The following RNF216 variants were observed in gnomAD, a reference collection of about 807,000 sequenced individuals.
RNF216 encodes ring finger protein 216, also known as E3 ubiquitin-protein ligase RNF216.
Under a neutral mutation model 110.8 loss-of-function variants are expected in RNF216, and 72 were observed. The observed-to-expected ratio is 0.65, with a 90% CI of 0.54 to 0.79. The LOEUF is 0.79. Ranked by LOEUF, RNF216 falls within the 30% of genes least tolerant of loss-of-function variation. The probability of loss-of-function intolerance (pLI) is 0.00; values close to 1 mark genes in which losing one functional copy is unlikely to be tolerated. For missense variants in RNF216, 1,342 were observed against 1,141.2 expected, an observed-to-expected ratio of 1.18 and a Z score of -2.54; for synonymous variants, 495 against 407.5, an observed-to-expected ratio of 1.21 and a Z score of -2.59.
intron 13 of RNF216, among the ~76,000 whole-genome samples, chr7:5,708,615 C>G (rs573771462): frequency 1.3e-5 from 2 of 152,304 alleles, no homozygotes; most frequent in African/African-American, 4.8e-5. Context: ...GAAGATTTTG[C>G]TAAATCGTAG....
In RNF216 at chr7:5,710,366, T is replaced by TAAA. The variant is rs537822157; in HGVS notation, c.2061+1392_2061+1394dup. 9.9e-4 allele frequency among the ~76,000 whole-genome samples: 129 copies of TAAA among 130,196 alleles called. 1 individual carries two copies. The highest frequency in any genetic ancestry group is 3.1e-3 in the African/African-American group (114 of 36,562). The allele number at this position is 130,196 out of a possible 152,430, so 85.4% of individuals were successfully genotyped here. On this transcript the variant is annotated intron_variant, in intron 13 of 16. Coordinates refer to ENST00000389902, the MANE Select transcript of RNF216 (RefSeq NM_207111.4). ...CAGAGTGAGACCCTGCCTCAAAACT[T>TAAA]AAAAACAAAAACAAAAACAAAAAAC...
intron 5 of RNF216, 137 bp from the exon 6 acceptor site, chr7:5,730,954 G>A (rs1446549717): frequency 7.5e-7 from 1 of 1,336,320 alleles, no homozygotes; most frequent in Non-Finnish European, 1.0e-6. Flanking sequence ...GATGTTTGTA[G>A]CCCAGAAAAA....
At chr7:5,663,667 G>T (rs1789307045) in intron 13 of RNF216, among the ~76,000 whole-genome samples, 1 of 150,932 alleles carries the variant, frequency 6.6e-6, no homozygotes, top group Admixed American at 6.6e-5. Context: ...TTGGGAGGCT[G>T]AGGCGGGCAG....
chr7:5,757,881 G>A (rs961919467), intron 2 of RNF216, among the ~76,000 whole-genome samples: 61 of 152,240 alleles, frequency 4.0e-4, no homozygotes, highest in Non-Finnish European at 1.3e-4. Context: ...TTGGCCAGGA[G>A]CAGTGGCTCA....
intron 13 of RNF216, among the ~76,000 whole-genome samples, chr7:5,686,528 G>A (rs1196285992): frequency 6.6e-6 from 1 of 152,214 alleles, no homozygotes; most frequent in African/African-American, 2.4e-5. Context: ...CTTTAGGAAA[G>A]CTGAGGCAGG....
chr7:5,771,803 C>G (rs933059257), intron 1 of RNF216, among the ~76,000 whole-genome samples: 1 of 150,368 alleles, frequency 6.7e-6, no homozygotes, highest in Non-Finnish European at 1.5e-5. Flanking sequence ...GTCCCCCCAC[C>G]AAAAAACATC....
At chr7:5,631,347 G>C (rs986539178) in intron 15 of RNF216, among the ~76,000 whole-genome samples, 3 of 152,164 alleles carry the variant, frequency 2.0e-5, no homozygotes, top group Non-Finnish European at 2.9e-5. Flanking sequence ...CCCAGAGTGG[G>C]AGTGGGGAGC....
intron 14 of RNF216, among the ~76,000 whole-genome samples, chr7:5,642,056 A>AAAAAAAAT (rs1787767545): frequency 6.6e-6 from 1 of 150,904 alleles, no homozygotes; most frequent in Non-Finnish European, 1.5e-5. Context: ...GAAAAAAAAA[A>AAAAAAAAT]AGAAAGAAAG....
At chr7:5,697,758 G>T (rs1447436589) in intron 13 of RNF216, among the ~76,000 whole-genome samples, 1 of 152,192 alleles carries the variant, frequency 6.6e-6, no homozygotes, top group Non-Finnish European at 1.5e-5. Context: ...GAAGACAGAA[G>T]CTAGGAGCAC....
intron 14 of RNF216, among the ~76,000 whole-genome samples, chr7:5,649,267 C>A (rs1788236247): frequency 6.6e-6 from 1 of 151,760 alleles, no homozygotes; most frequent in African/African-American, 2.4e-5. Context: ...TAGCAGGCGC[C>A]TGTAATCCCA....
At position 5,680,396 on chromosome 7, in the gene RNF216, C is replaced by T. The variant is rs1187484431; in HGVS notation, c.2062-27886G>A. The T allele has an allele frequency of 6.6e-6, 1 of 152,200 alleles. No individual in the cohort carries two copies. Among genetic ancestry groups the T allele is most frequent in the Non-Finnish European group, 1.5e-5 (1 of 68,050 alleles). The allele number at this position is 152,200 out of a possible 1,614,324, so 9.4% of individuals were successfully genotyped here. A position where few individuals can be genotyped will look rare whatever the true frequency, so the allele number is the denominator to read the frequency against. On this transcript the variant is annotated intron_variant, in intron 13 of 16. Coordinates refer to ENST00000389902, the MANE Select transcript of RNF216 (RefSeq NM_207111.4). The surrounding 1 kb of genome is among the most constrained non-coding windows in gnomAD (Gnocchi z 4.3). The stretch of plus-strand genomic sequence containing the variant: ...TGGGCTTGTCAGCTCACTGGTTACT[C>T]AACACTTCTTTTTTTGTTGTTGTTG...
chr7:5,779,917 G>A (rs966969305), intron 1 of RNF216: 3 of 151,468 alleles, frequency 2.0e-5, no homozygotes, highest in Non-Finnish European at 4.4e-5. Context: ...AAACGCCACT[G>A]TTTCCGAGGG....
intron 7 of RNF216, 39 bp downstream of exon 7, chr7:5,729,393 C>T: frequency 1.2e-6 from 2 of 1,600,654 alleles, no homozygotes; most frequent in Non-Finnish European, 1.7e-6. Context: ...AAGATGTAGT[C>T]AAGAGGTGTG....
At chr7:5,754,889 G>A (rs969356429) in intron 2 of RNF216, among the ~76,000 whole-genome samples, 3 of 151,942 alleles carry the variant, frequency 2.0e-5, no homozygotes, top group African/African-American at 7.3e-5. Context: ...TTAGCCGGGT[G>A]TGGTGGCATG....
chr7:5,779,284 C>T (rs897627749), intron 1 of RNF216, among the ~76,000 whole-genome samples: 1 of 152,108 alleles, frequency 6.6e-6, no homozygotes. Flanking sequence ...TTCAGGAGTT[C>T]TCTTTTATTA....
At chr7:5,647,132 G>A (rs182385026) in intron 14 of RNF216, among the ~76,000 whole-genome samples, 1 of 151,700 alleles carries the variant, frequency 6.6e-6, no homozygotes, top group African/African-American at 2.4e-5. Context: ...AAAAAAAAAG[G>A]GAAAAAGTTG....
intron 13 of RNF216, among the ~76,000 whole-genome samples, chr7:5,667,970 G>C (rs1438519458): frequency 6.6e-6 from 1 of 152,202 alleles, no homozygotes; most frequent in Non-Finnish European, 1.5e-5. Context: ...GTACAGCGCA[G>C]CTTCAAGCTG....
intron 13 of RNF216, among the ~76,000 whole-genome samples, chr7:5,688,413 A>T (rs899273652): frequency 1.1e-4 from 17 of 152,220 alleles, no homozygotes; most frequent in South Asian, 4.1e-4. Context: ...AAAGCTTTTT[A>T]AAAAAATTTA....
chr7:5,770,989 G>T (rs1796465858), intron 1 of RNF216, among the ~76,000 whole-genome samples: 1 of 152,096 alleles, frequency 6.6e-6, no homozygotes, highest in Non-Finnish European at 1.5e-5. Context: ...TGTATTGTTA[G>T]TAGAGACAGG....
Sources: allele counts gnomAD v4.1 joint callset (sites outside exome capture counted in the v4.1 genomes callset), GRCh38; gene constraint gnomAD v4.1.1; non-coding constraint Gnocchi (gnomAD v3.1); transcripts MANE v1.5; gene names NCBI Gene and HGNC (gene_info 2026-07-23, HGNC 2026-07-21).